The following SDK2 variants were observed in gnomAD, a reference collection of about 807,000 sequenced individuals.
The protein encoded by SDK2 is protein sidekick-2.
SDK2 carries 105 observed loss-of-function variants against 253.9 expected under a neutral mutation model. The ratio of observed to expected loss-of-function variants is 0.41; its 90% CI spans 0.35 to 0.49. The LOEUF is 0.49. SDK2 is among the 20% of genes least tolerant of loss of function. The pLI, the probability that SDK2 is intolerant of heterozygous loss-of-function variation, is 0.06. For missense variants in SDK2, 2,608 were observed against 3,003.0 expected (o/e 0.87, Z 3.07); for synonymous variants, 1,249 against 1,234.9 (o/e 1.01, Z -0.24).
chr17:73,368,655 CT>C, intron 36 of SDK2, 62 bp from the exon 37 acceptor site: 2 of 1,365,938 alleles, frequency 1.5e-6, no homozygotes, highest in Non-Finnish European at 2.0e-6. Flanking sequence ...CCTCCTGTCC[CT>C]GCTGACCTGT....
At chr17:73,468,354 C>T (rs544524215) in intron 3 of SDK2, among the ~76,000 whole-genome samples, 104 of 152,188 alleles carry the variant, frequency 6.8e-4, no homozygotes, top group Non-Finnish European at 1.2e-3. Context: ...ATCCTTCCAA[C>T]GAGCCTAGGA....
At position 73,642,225 on chromosome 17, in the gene SDK2, A is replaced by G. The variant is rs1450999246; in HGVS notation, c.64+1800T>C. Among the ~76,000 whole-genome samples the G allele has an allele frequency of 6.6e-6, 1 of 152,184 alleles. No homozygotes were observed. Among genetic ancestry groups the G allele is most frequent in the Non-Finnish European group, 1.5e-5 (1 of 68,032 alleles). On this transcript the variant is annotated intron_variant, in intron 1 of 44. Transcript: ENST00000392650. This position sits in a 1 kb window ranked among gnomAD's most constrained non-coding sequence, Gnocchi z 4.7. The stretch of plus-strand genomic sequence containing the variant: ...GCAGGAAGGGACACATGAAGACCCC[A>G]AAGCAAGGGCCATCAGGTGCCCTGG...
At chr17:73,510,430 G>T (rs1449050805) in intron 1 of SDK2, among the ~76,000 whole-genome samples, 1 of 152,148 alleles carries the variant, frequency 6.6e-6, no homozygotes, top group African/African-American at 2.4e-5. Flanking sequence ...GTGGCCTCAG[G>T]GTGGCTCAGA....
chr17:73,588,387 CAAAAAAAA>C (rs1215654213), intron 1 of SDK2, among the ~76,000 whole-genome samples: 9,980 of 58,978 alleles, frequency 0.17, 461 homozygotes, highest in South Asian at 0.35. Flanking sequence ...AACTCCATCT[CAAAAAAAA>C]AAAAAAAAAA....
intron 5 of SDK2, among the ~76,000 whole-genome samples, chr17:73,441,378 A>T (rs2063414507): frequency 6.6e-6 from 1 of 152,128 alleles, no homozygotes; most frequent in African/African-American, 2.4e-5. Context: ...ATTCATGCCC[A>T]TCTGGCACCT....
intron 1 of SDK2, among the ~76,000 whole-genome samples, chr17:73,628,092 T>C (rs1328799439): frequency 6.6e-6 from 1 of 152,202 alleles, no homozygotes; most frequent in Non-Finnish European, 1.5e-5. Context: ...AAACACCACA[T>C]TTAACAGATG....
At chr17:73,601,303 A>C (rs2143056573) in intron 1 of SDK2, among the ~76,000 whole-genome samples, 1 of 152,194 alleles carries the variant, frequency 6.6e-6, no homozygotes, top group Non-Finnish European at 1.5e-5. Context: ...TACAGGTGTG[A>C]GCCACCGCGC....
chr17:73,521,521 C>G (rs1250874052), intron 1 of SDK2: 1 of 152,344 alleles, frequency 6.6e-6, no homozygotes, highest in Non-Finnish European at 1.5e-5. Flanking sequence ...CTGTGCTAAT[C>G]CATCATCTGG....
chr17:73,508,324 C>T (rs997360808), intron 1 of SDK2, among the ~76,000 whole-genome samples: 2 of 152,264 alleles, frequency 1.3e-5, no homozygotes, highest in Non-Finnish European at 2.9e-5. Flanking sequence ...CGACAGAGAC[C>T]GTGAATTTCG....
At chr17:73,490,806 C>T (rs371420796) in intron 2 of SDK2, among the ~76,000 whole-genome samples, 112 of 151,938 alleles carry the variant, frequency 7.4e-4, no homozygotes, top group African/African-American at 2.4e-3. Flanking sequence ...GGATTACAGG[C>T]GTGAACCACC....
rs117641596 is a variant in SDK2 at position 73,543,041 on chromosome 17, C to T, written c.65-35444G>A. On this transcript the variant is annotated intron_variant, in intron 1 of 44. Coordinates refer to ENST00000392650, the MANE Select transcript of SDK2 (RefSeq NM_001144952.2). The stretch of plus-strand genomic sequence containing the variant: ...CAGCATAGGCAGGTCCCCTCCAGGG[C>T]GCAGTTTCCTCATCTGCAAAAGAGG... 9.9e-3 allele frequency among the ~76,000 whole-genome samples: 1,513 copies of T among 152,244 alleles called. 15 individuals carry two copies. The highest frequency in any genetic ancestry group is 0.017 in the Middle Eastern group (5 of 294).
intron 36 of SDK2, among the ~76,000 whole-genome samples, chr17:73,375,720 G>A (rs899109712): frequency 2.6e-5 from 4 of 152,078 alleles, no homozygotes; most frequent in Admixed American, 2.6e-4. Flanking sequence ...GCTGGGCATG[G>A]TGGCAGGCAC....
chr17:73,363,519 C>T (rs2062658605), intron 38 of SDK2, among the ~76,000 whole-genome samples: 1 of 152,184 alleles, frequency 6.6e-6, no homozygotes, highest in South Asian at 2.1e-4. Flanking sequence ...CCTTGGTTTT[C>T]CCTACAGGAC....
At chr17:73,376,612 G>A (rs1056806656) in intron 36 of SDK2, among the ~76,000 whole-genome samples, 9 of 152,156 alleles carry the variant, frequency 5.9e-5, no homozygotes, top group African/African-American at 2.2e-4. Flanking sequence ...GGAGCATGTA[G>A]GCCTCTGCTG....
chr17:73,394,151 AT>A, intron 26 of SDK2, 57 bp downstream of exon 26: 1 of 1,070,236 alleles, frequency 9.3e-7, no homozygotes, highest in Non-Finnish European at 1.3e-6. Flanking sequence ...GGCCCCTTGG[AT>A]GGAGAGGCTG....
chr17:73,570,036 TCTAA>T lies in SDK2; in HGVS notation c.65-62443_65-62440del, dbSNP rs2045362517. Among the ~76,000 whole-genome samples the T allele has an allele frequency of 6.6e-6, 1 of 152,066 alleles. No individual in the cohort carries two copies. Among genetic ancestry groups the T allele is most frequent in the African/African-American group, 2.4e-5 (1 of 41,410 alleles). On this transcript the variant is annotated intron_variant, in intron 1 of 44. Transcript: ENST00000392650. The surrounding 1 kb of genome is among the most constrained non-coding windows in gnomAD (Gnocchi z 4.2). ...AGGATGAGGAGCAGGACCTCAGCGC[TCTAA>T]CTCTTTCAGGCTTCGGCTGGGGAAG...
At chr17:73,509,407 C>A (rs1170535837) in intron 1 of SDK2, among the ~76,000 whole-genome samples, 1 of 152,102 alleles carries the variant, frequency 6.6e-6, no homozygotes, top group African/African-American at 2.4e-5. Context: ...CTGGCTGATG[C>A]CCCAGGCCCA....
intron 32 of SDK2, among the ~76,000 whole-genome samples, chr17:73,385,320 GAA>G (rs2062863328): frequency 6.6e-6 from 1 of 152,180 alleles, no homozygotes; most frequent in Non-Finnish European, 1.5e-5. Flanking sequence ...AGTGCCCACT[GAA>G]GAGTGGGCAT....
intron 1 of SDK2, among the ~76,000 whole-genome samples, chr17:73,554,956 C>T (rs765234737): frequency 1.1e-4 from 17 of 152,212 alleles, no homozygotes; most frequent in Non-Finnish European, 1.9e-4. Flanking sequence ...TTCAGGAGCC[C>T]TCGAGGTGCT....
Sources: allele counts gnomAD v4.1 joint callset (sites outside exome capture counted in the v4.1 genomes callset), GRCh38; gene constraint gnomAD v4.1.1; non-coding constraint Gnocchi (gnomAD v3.1); transcripts MANE v1.5; gene names NCBI Gene and HGNC (gene_info 2026-07-23, HGNC 2026-07-21).